Variants in DCC observed in about 807,000 individuals in gnomAD.
DCC encodes DCC netrin 1 receptor.
DCC carries 58 observed loss-of-function variants against 172.5 expected under a neutral mutation model. The ratio of observed to expected loss-of-function variants is 0.34; its 90% CI spans 0.27 to 0.42. The LOEUF is 0.42. Among genes scored for constraint, DCC ranks in the 10% least tolerant of loss-of-function variants. The probability of loss-of-function intolerance (pLI) is 1.00; values close to 1 mark genes in which losing one functional copy is unlikely to be tolerated. For synonymous variants in DCC, 709 were observed against 644.5 expected, an observed-to-expected ratio of 1.10 and a Z score of -1.52; for missense variants, 1,740 against 1,791.0, an observed-to-expected ratio of 0.97 and a Z score of 0.51.
intron 1 of DCC, among the ~76,000 whole-genome samples, chr18:52,346,081 C>T (rs1983865869): frequency 6.6e-6 from 1 of 152,038 alleles, no homozygotes; most frequent in Non-Finnish European, 1.5e-5. Flanking sequence ...TGGGACTGAC[C>T]CAATGTATTT....
intron 2 of DCC, among the ~76,000 whole-genome samples, chr18:52,842,589 T>C (rs2038824956): frequency 1.3e-5 from 2 of 152,162 alleles, no homozygotes; most frequent in South Asian, 4.1e-4. Context: ...CCTGAAATAA[T>C]GTTTAACCAA....
chr18:52,902,061 C>T (rs770928227), intron 2 of DCC, among the ~76,000 whole-genome samples: 1 of 152,022 alleles, frequency 6.6e-6, no homozygotes, highest in South Asian at 2.1e-4. Flanking sequence ...TAGCAGAGAG[C>T]GTGTTCCTTT....
chr18:52,645,439 C>A (rs2035000518), intron 1 of DCC, among the ~76,000 whole-genome samples: 1 of 152,150 alleles, frequency 6.6e-6, no homozygotes. Flanking sequence ...ACTGTAAAAT[C>A]TTTTAGTTAT....
At chr18:52,859,859 G>T (rs1041381964) in intron 2 of DCC, among the ~76,000 whole-genome samples, 1 of 152,106 alleles carries the variant, frequency 6.6e-6, no homozygotes, top group Non-Finnish European at 1.5e-5. Flanking sequence ...AAGGCAAATT[G>T]GTAGCTTTGG....
At chr18:52,852,169 G>C (rs1410147489) in intron 2 of DCC, among the ~76,000 whole-genome samples, 1 of 151,946 alleles carries the variant, frequency 6.6e-6, no homozygotes, top group Non-Finnish European at 1.5e-5. Flanking sequence ...AGGCTTAAAG[G>C]CATATCAAGA....
intron 12 of DCC, among the ~76,000 whole-genome samples, chr18:53,262,441 G>A (rs1240609277): frequency 2.6e-5 from 4 of 152,026 alleles, no homozygotes; most frequent in Non-Finnish European, 5.9e-5. Flanking sequence ...ATTGTCCCTG[G>A]ATCCTCCTGG....
chr18:52,727,376 G>T (rs1341658897), intron 1 of DCC, among the ~76,000 whole-genome samples: 2 of 152,128 alleles, frequency 1.3e-5, no homozygotes, highest in Non-Finnish European at 2.9e-5. Flanking sequence ...CAAGAGTTAG[G>T]ATAAGGACTT....
chr18:53,529,184 A>G (rs2046498004), intron 28 of DCC, among the ~76,000 whole-genome samples: 1 of 152,100 alleles, frequency 6.6e-6, no homozygotes, highest in Non-Finnish European at 1.5e-5. Flanking sequence ...ATTCACTGAC[A>G]TGCTGAGATT....
chr18:53,141,420 T>C (rs927150134), intron 7 of DCC, among the ~76,000 whole-genome samples: 1 of 152,162 alleles, frequency 6.6e-6, no homozygotes, highest in African/African-American at 2.4e-5. Context: ...TAGTCAAAGA[T>C]GGGGAAAATC....
chr18:52,591,139 A>T (rs548905317), intron 1 of DCC, among the ~76,000 whole-genome samples: 4 of 152,222 alleles, frequency 2.6e-5, no homozygotes, highest in Non-Finnish European at 5.9e-5. Flanking sequence ...TTCTATCAGG[A>T]AGGAAAACCT....
intron 7 of DCC, among the ~76,000 whole-genome samples, chr18:53,153,919 ACT>A (rs1312879972): frequency 6.6e-6 from 1 of 152,050 alleles, no homozygotes; most frequent in Non-Finnish European, 1.5e-5. Context: ...GTTGTTCCCC[ACT>A]CTCTCTTCTG....
chr18:52,806,859 A>G (rs1303284754), intron 2 of DCC, among the ~76,000 whole-genome samples: 1 of 152,146 alleles, frequency 6.6e-6, no homozygotes, highest in African/African-American at 2.4e-5. Context: ...CAGTTTGGTC[A>G]TGAGGGGGAA....
At chr18:52,595,209 TAAC>T (rs1016367306) in intron 1 of DCC, among the ~76,000 whole-genome samples, 4 of 152,206 alleles carry the variant, frequency 2.6e-5, no homozygotes, top group Admixed American at 6.5e-5. Flanking sequence ...TGTTATCGAC[TAAC>T]AAGTCTTTGC....
At chr18:53,138,579 G>A (rs962645972) in intron 7 of DCC, among the ~76,000 whole-genome samples, 11 of 152,172 alleles carry the variant, frequency 7.2e-5, no homozygotes, top group Non-Finnish European at 1.2e-4. Context: ...CAGCAAATTA[G>A]CATCTGTGAT....
chr18:53,308,544 A>C (rs887196125), intron 13 of DCC, among the ~76,000 whole-genome samples: 1 of 152,212 alleles, frequency 6.6e-6, no homozygotes, highest in Non-Finnish European at 1.5e-5. Context: ...CTTAGAAAGC[A>C]GTGGTCCAGA....
At chr18:52,927,910 A>C (rs1165870261) in intron 5 of DCC, among the ~76,000 whole-genome samples, 1 of 152,104 alleles carries the variant, frequency 6.6e-6, no homozygotes, top group Non-Finnish European at 1.5e-5. Context: ...CAATCCTGTT[A>C]TTAGGTATAT....
chr18:52,478,506 A>T (rs1989160710), intron 1 of DCC, among the ~76,000 whole-genome samples: 1 of 152,176 alleles, frequency 6.6e-6, no homozygotes. Context: ...GTATTAGGCC[A>T]TTCTGTCATT....
intron 25 of DCC, among the ~76,000 whole-genome samples, chr18:53,479,661 T>C (rs1005809842): frequency 1.3e-5 from 2 of 152,148 alleles, no homozygotes; most frequent in Non-Finnish European, 2.9e-5. Flanking sequence ...ATAGAAGTAA[T>C]GAAGAAGGGA....
At chr18:52,993,576 T>G (rs1391703109) in intron 5 of DCC, among the ~76,000 whole-genome samples, 2 of 152,114 alleles carry the variant, frequency 1.3e-5, no homozygotes, top group African/African-American at 2.4e-5. Flanking sequence ...AAAGGAAATT[T>G]GGGATAGAAA....
Sources: gnomAD v4.1 joint callset for allele counts (sites outside exome capture counted in the v4.1 genomes callset) on GRCh38, gnomAD v4.1.1 for gene constraint, MANE v1.5 for transcripts, NCBI Gene and HGNC (gene_info 2026-07-23, HGNC 2026-07-21) for gene names.